Variants in MIB1 observed in about 807,000 individuals in gnomAD.
MIB1 encodes E3 ubiquitin-protein ligase MIB1.
Under a neutral mutation model 124.5 loss-of-function variants are expected in MIB1, and 278 were observed. That is an observed-to-expected ratio of 2.23 (90% confidence interval 2.02 to 2.47). The LOEUF (loss-of-function observed/expected upper bound fraction) is 2.47, where lower values mean the gene tolerates loss of function less well. Among genes scored for constraint, MIB1 ranks in the 30% most tolerant of loss-of-function variants. The pLI is 0.00. For missense variants in MIB1, 957 were observed against 1,254.4 expected (o/e 0.76, Z 3.58); for synonymous variants, 446 against 429.4 (o/e 1.04, Z -0.48).
intron 10 of MIB1, among the ~76,000 whole-genome samples, chr18:21,808,066 T>C (rs1451168943): frequency 1.3e-5 from 2 of 152,228 alleles, no homozygotes; most frequent in Non-Finnish European, 2.9e-5. Flanking sequence ...TTTAAAAAGT[T>C]TCTCACCTTT....
rs916255627 is a variant in MIB1 at position 21,760,393 on chromosome 18, G to A, written c.230-5379G>A. Among the ~76,000 whole-genome samples the A allele has an allele frequency of 3.9e-5, 6 of 152,188 alleles. 1 individual carries two copies. In the East Asian group the frequency reaches 1.2e-3, roughly 29 times the overall value. ...ACTTTTGTTTTGAAGTCAATTAATT[G>A]TATTCTCATTAAAAATTCTGTAGTG... On this transcript the variant is annotated intron_variant, in intron 1 of 20. Coordinates refer to ENST00000261537, the MANE Select transcript of MIB1 (RefSeq NM_020774.4).
chr18:21,782,379 T>A (rs1184480891), intron 6 of MIB1, among the ~76,000 whole-genome samples: 1 of 152,214 alleles, frequency 6.6e-6, no homozygotes, highest in Non-Finnish European at 1.5e-5. Flanking sequence ...CACCTTGGCC[T>A]CCCAAAGTAC....
intron 10 of MIB1, among the ~76,000 whole-genome samples, chr18:21,806,897 A>G (rs757682742): frequency 4.6e-5 from 7 of 152,230 alleles, no homozygotes; most frequent in African/African-American, 7.2e-5. Flanking sequence ...CTGGGATTAC[A>G]GGCGTGAGCC....
intron 12 of MIB1, among the ~76,000 whole-genome samples, chr18:21,823,149 A>T (rs1321065801): frequency 3.3e-5 from 5 of 151,104 alleles, no homozygotes. Context: ...CATGAGAATC[A>T]CCTGAACCCA....
At chr18:21,758,793 A>C (rs1320982624) in intron 1 of MIB1, among the ~76,000 whole-genome samples, 1 of 152,292 alleles carries the variant, frequency 6.6e-6, no homozygotes, top group East Asian at 1.9e-4. Context: ...TCGGCCTCCC[A>C]AAGTGCTGGG....
chr18:21,840,645 ATATATATATATATATATATATTTTTTTTT>A (rs1249138489), intron 13 of MIB1, among the ~76,000 whole-genome samples: 1 of 2,106 alleles, frequency 4.7e-4, no homozygotes, highest in African/African-American at 7.5e-4. Context: ...ATATATATAT[ATATATATATATATATATATATTTTTTTTT>A]TTTTTTAATT....
intron 20 of MIB1, among the ~76,000 whole-genome samples, 156 bp from the exon 21 acceptor site, chr18:21,864,370 A>G (rs1195286031): frequency 6.6e-6 from 1 of 152,230 alleles, no homozygotes; most frequent in Non-Finnish European, 1.5e-5. Flanking sequence ...TATAGGGATG[A>G]CATTTTAACT....
At chr18:21,844,967 G>T (rs1432132915) in intron 15 of MIB1, among the ~76,000 whole-genome samples, 1 of 151,052 alleles carries the variant, frequency 6.6e-6, no homozygotes, top group African/African-American at 2.4e-5. Flanking sequence ...TTCTTTATAT[G>T]TGAATGCACA....
intron 13 of MIB1, among the ~76,000 whole-genome samples, chr18:21,840,653 ATATATATATATATT>A (rs1221888904): frequency 3.1e-3 from 86 of 27,936 alleles, no homozygotes; most frequent in African/African-American, 9.5e-3. Flanking sequence ...ATATATATAT[ATATATATATATATT>A]TTTTTTTTTT....
chr18:21,829,483 AT>A (rs532111361), intron 12 of MIB1: 28 of 150,026 alleles, frequency 1.9e-4, no homozygotes, highest in Non-Finnish European at 2.5e-4. Context: ...ATTAAATTCA[AT>A]TTTTTTTTTA....
intron 10 of MIB1, among the ~76,000 whole-genome samples, chr18:21,805,100 C>T (rs923283215): frequency 1.4e-4 from 21 of 152,054 alleles, no homozygotes; most frequent in Admixed American, 1.3e-4. Flanking sequence ...GCAACCTCTG[C>T]CTCCTGGGAT....
chr18:21,796,806 G>T (rs1163922909), intron 7 of MIB1, among the ~76,000 whole-genome samples: 2 of 152,148 alleles, frequency 1.3e-5, no homozygotes, highest in South Asian at 4.1e-4. Flanking sequence ...CTGGTTTCTA[G>T]GACCATGTTA....
At chr18:21,781,365 T>A (rs1461085952) in intron 6 of MIB1, among the ~76,000 whole-genome samples, 2 of 67,254 alleles carry the variant, frequency 3.0e-5, no homozygotes, top group African/African-American at 1.0e-4. Flanking sequence ...TCTGTTCAAG[T>A]TATATATATA....
At chr18:21,846,834 A>T in intron 15 of MIB1, 110 bp from the exon 16 acceptor site, 1 of 1,015,438 alleles carries the variant, frequency 9.8e-7, no homozygotes, top group Non-Finnish European at 1.5e-6. Context: ...GGGAGGGAAC[A>T]TTAGGACTAG....
At chr18:21,808,392 A>C (rs2041732249) in intron 10 of MIB1, among the ~76,000 whole-genome samples, 1 of 152,198 alleles carries the variant, frequency 6.6e-6, no homozygotes, top group African/African-American at 2.4e-5. Flanking sequence ...TTAGTGTGAC[A>C]GTAAAGTAGC....
At chr18:21,747,520 G>A (rs551062653) in intron 1 of MIB1, among the ~76,000 whole-genome samples, 31 of 152,170 alleles carry the variant, frequency 2.0e-4, no homozygotes, top group Non-Finnish European at 4.1e-4. Flanking sequence ...GATGCCCTGC[G>A]TTTCTGTTTT....
At chr18:21,815,011 T>TTATATATATATATATA (rs60363843) in intron 10 of MIB1, among the ~76,000 whole-genome samples, 109 of 52,614 alleles carry the variant, frequency 2.1e-3, no homozygotes, top group African/African-American at 2.5e-3. Context: ...GCTGTTGGTT[T>TTATATATATATATATA]TATATATATA....
chr18:21,835,637 G>C (rs2042019979), intron 12 of MIB1, among the ~76,000 whole-genome samples: 1 of 151,816 alleles, frequency 6.6e-6, no homozygotes. Context: ...CGGGCCTGGT[G>C]GTGGGCACCT....
At chr18:21,819,294 C>T (rs373330934) in intron 11 of MIB1, among the ~76,000 whole-genome samples, 11 of 152,204 alleles carry the variant, frequency 7.2e-5, no homozygotes, top group African/African-American at 2.4e-4. Context: ...CCGCCTCAGC[C>T]TCCCAAAGTG....
Sources: gnomAD v4.1 joint callset for allele counts (sites outside exome capture counted in the v4.1 genomes callset) on GRCh38, gnomAD v4.1.1 for gene constraint, MANE v1.5 for transcripts, NCBI Gene and HGNC (gene_info 2026-07-23, HGNC 2026-07-21) for gene names.